The following PIK3R4 variants were observed in gnomAD, a reference collection of about 807,000 sequenced individuals.
The protein encoded by PIK3R4 is phosphoinositide-3-kinase regulatory subunit 4.
Under a neutral mutation model 136.5 loss-of-function variants are expected in PIK3R4, and 46 were observed. That is an observed-to-expected ratio of 0.34 (90% confidence interval 0.27 to 0.43). The LOEUF is 0.43. Among genes scored for constraint, PIK3R4 ranks in the 20% least tolerant of loss-of-function variants. The pLI is 1.00. For synonymous variants in PIK3R4, 557 were observed against 566.7 expected (o/e 0.98, Z 0.24); for missense variants, 1,331 against 1,649.5 (o/e 0.81, Z 3.35).
chr3:130,743,539 C>T (rs1396655175), intron 2 of PIK3R4, among the ~76,000 whole-genome samples: 2 of 152,208 alleles, frequency 1.3e-5, no homozygotes, highest in African/African-American at 4.8e-5. Flanking sequence ...ATCTTCCCAA[C>T]CTAACCTGTT....
chr3:130,730,466 T>G, intron 4 of PIK3R4, 24 bp from the exon 5 acceptor site: 1 of 1,510,044 alleles, frequency 6.6e-7, no homozygotes, highest in Non-Finnish European at 8.9e-7. Flanking sequence ...AGGAAGAAAA[T>G]TTATAATTAC....
chr3:130,728,357 T>C (rs942850015), intron 6 of PIK3R4, 106 bp downstream of exon 6: 4 of 681,540 alleles, frequency 5.9e-6, no homozygotes, highest in Non-Finnish European at 7.3e-6. Flanking sequence ...AGGAATTCAT[T>C]TCATTATTAA....
chr3:130,702,360 A>C (rs560966812), intron 13 of PIK3R4, among the ~76,000 whole-genome samples: 45 of 152,290 alleles, frequency 3.0e-4, no homozygotes, highest in African/African-American at 9.9e-4. Context: ...AGGAGTCTTT[A>C]CTTCTTTTTA....
At position 130,735,761 on chromosome 3, in the gene PIK3R4, T is replaced by C. The variant is rs149482884; in HGVS notation, c.867+108A>G. The C allele has an allele frequency of 1.4e-4, 142 of 993,060 alleles. No individual in the cohort carries two copies. The African/African-American group carries it at 1.5e-3, about 11-fold the overall frequency. The allele number at this position is 993,060 out of a possible 1,614,324, so 61.5% of individuals were successfully genotyped here. A position where few individuals can be genotyped will look rare whatever the true frequency, so the allele number is the denominator to read the frequency against. On this transcript the variant is annotated intron_variant, in intron 3 of 19. Transcript: ENST00000356763. ...AGGCTGTTTATATTAGTCTATGGTG[T>C]TTTACTGCTTGATTCCAAATTTACA...
chr3:130,712,880 T>C (rs1296648412), intron 9 of PIK3R4, among the ~76,000 whole-genome samples: 3 of 152,122 alleles, frequency 2.0e-5, no homozygotes, highest in Non-Finnish European at 4.4e-5. Flanking sequence ...AGCTTCTGGG[T>C]CTTAGCTCTC....
chr3:130,721,491 T>C (rs891375289), intron 7 of PIK3R4, among the ~76,000 whole-genome samples: 1 of 152,096 alleles, frequency 6.6e-6, no homozygotes, highest in Non-Finnish European at 1.5e-5. Flanking sequence ...ACATAGGAAA[T>C]CAATTTAAGT....
At position 130,708,511 on chromosome 3, in the gene PIK3R4, A is replaced by G. The variant is rs535299220; in HGVS notation, c.2332-19T>C. On this transcript the variant is annotated intron_variant, in intron 9 of 19. Transcript: ENST00000356763. The stretch of plus-strand genomic sequence containing the variant: ...TCATTCCCTAAAACCAAATAAAACC[A>G]TATGTTCTAGTTTATTTTCACAAAT... The G allele has an allele frequency of 2.5e-6, 4 of 1,592,084 alleles. No homozygotes were observed. Among genetic ancestry groups the G allele is most frequent in the East Asian group, 4.5e-5 (2 of 44,512 alleles).
rs373328532 is a variant in PIK3R4 at position 130,690,670 on chromosome 3, A to G, written c.3099-16T>C. ...AAGAATAGATCTGAATGAAAGAAAAATAAAATTCATTTATGAACCAATGTC... is the reference window on the plus strand; with the variant it reads ...AAGAATAGATCTGAATGAAAGAAAAGTAAAATTCATTTATGAACCAATGTC... On this transcript the variant is annotated splice_polypyrimidine_tract_variant and intron_variant, in intron 13 of 19. Coordinates refer to ENST00000356763, the MANE Select transcript of PIK3R4 (RefSeq NM_014602.3). 6.5e-6 allele frequency: 10 copies of G among 1,540,656 alleles called. No homozygotes were observed. The South Asian group carries it at 8.3e-5, about 13-fold the overall frequency.
Position 130,679,276 on chromosome 3 carries a change from A to G in PIK3R4, c.*39T>C. ...ATGCCTTTTCTCGAGTTATAGTATT[A>G]TATTTATAACTATTAAAATTTATAC... On this transcript the variant is annotated 3_prime_UTR_variant, in exon 20 of 20. Transcript: ENST00000356763. The G allele has an allele frequency of 1.6e-6, 2 of 1,287,286 alleles. No individual in the cohort carries two copies. Among genetic ancestry groups the G allele is most frequent in the South Asian group, 3.1e-5 (2 of 64,176 alleles). 79.7% of individuals were successfully genotyped at this position (1,287,286 alleles called of 1,614,324 possible). A position where few individuals can be genotyped will look rare whatever the true frequency, so the allele number is the denominator to read the frequency against.
intron 2 of PIK3R4, among the ~76,000 whole-genome samples, chr3:130,742,303 G>A (rs1333556825): frequency 6.6e-6 from 1 of 152,138 alleles, no homozygotes; most frequent in Non-Finnish European, 1.5e-5. Flanking sequence ...TGTGAATTTT[G>A]TTGAAGTTTA....
intron 16 of PIK3R4, among the ~76,000 whole-genome samples, 193 bp from the exon 17 acceptor site, chr3:130,681,784 T>G (rs1023229458): frequency 6.6e-6 from 1 of 152,146 alleles, no homozygotes; most frequent in African/African-American, 2.4e-5. Context: ...TATGGGCTAG[T>G]CACTGCGCTA....
chr3:130,689,318 G>C (rs1335827949), intron 14 of PIK3R4, among the ~76,000 whole-genome samples: 1 of 151,728 alleles, frequency 6.6e-6, no homozygotes, highest in African/African-American at 2.4e-5. Flanking sequence ...TAGGGCCTGT[G>C]GGCTCAGTCA....
intron 5 of PIK3R4, 41 bp from the exon 6 acceptor site, chr3:130,728,725 A>G (rs1431712279): frequency 7.3e-7 from 1 of 1,369,346 alleles, no homozygotes; most frequent in Non-Finnish European, 9.9e-7. Context: ...GAAAGAAAAG[A>G]AATAGTTAAG....
chr3:130,737,935 T>C (rs1258226028), intron 2 of PIK3R4, among the ~76,000 whole-genome samples: 1 of 152,228 alleles, frequency 6.6e-6, no homozygotes, highest in African/African-American at 2.4e-5. Context: ...AATCAAAAAA[T>C]CATAAGCTGA....
chr3:130,712,355 G>A (rs1040454938), intron 9 of PIK3R4, among the ~76,000 whole-genome samples: 15 of 151,912 alleles, frequency 9.9e-5, no homozygotes, highest in African/African-American at 3.1e-4. Context: ...ATGGTCCTTC[G>A]CTCTGTAGCC....
intron 13 of PIK3R4, among the ~76,000 whole-genome samples, chr3:130,693,890 C>A (rs906762769): frequency 1.3e-5 from 2 of 152,042 alleles, no homozygotes; most frequent in Admixed American, 1.3e-4. Flanking sequence ...ATGTTTTCTT[C>A]TAAGTTTTAT....
intron 2 of PIK3R4, among the ~76,000 whole-genome samples, chr3:130,743,603 G>T (rs981285637): frequency 1.3e-5 from 2 of 152,084 alleles, no homozygotes; most frequent in African/African-American, 4.8e-5. Context: ...CACTCAGTTT[G>T]GTGGGCGAGA....
rs2066438747 is a variant in PIK3R4 at position 130,679,266 on chromosome 3, T to TTATAG, written c.*44_*48dup. On this transcript the variant is annotated 3_prime_UTR_variant, in exon 20 of 20. Coordinates refer to ENST00000356763, the MANE Select transcript of PIK3R4 (RefSeq NM_014602.3). The stretch of plus-strand genomic sequence containing the variant: ...TTCTCTAGAAATGCCTTTTCTCGAG[T>TTATAG]TATAGTATTATATTTATAACTATTA... The TTATAG allele has an allele frequency of 8.5e-7, 1 of 1,172,448 alleles. No homozygotes were observed. The highest frequency in any genetic ancestry group is 2.8e-5 in the East Asian group (1 of 36,184). The allele number at this position is 1,172,448 out of a possible 1,614,324, so 72.6% of individuals were successfully genotyped here.
At chr3:130,683,576 C>T (rs777254324) in intron 16 of PIK3R4, among the ~76,000 whole-genome samples, 6 of 152,100 alleles carry the variant, frequency 3.9e-5, no homozygotes, top group East Asian at 1.9e-4. Flanking sequence ...CTTGGCAACA[C>T]GGTGACTTTG....
Sources: gnomAD v4.1 joint callset for allele counts (sites outside exome capture counted in the v4.1 genomes callset) on GRCh38, gnomAD v4.1.1 for gene constraint, MANE v1.5 for transcripts, NCBI Gene and HGNC (gene_info 2026-07-23, HGNC 2026-07-21) for gene names.